Variants in ADGRG6 observed in about 807,000 individuals in gnomAD.
The protein encoded by ADGRG6 is G-protein coupled receptor 126.
A neutral mutation model predicts 142.4 loss-of-function variants in ADGRG6; 84 were observed. The ratio of observed to expected loss-of-function variants is 0.59; its 90% CI spans 0.49 to 0.71. ADGRG6 has a LOEUF of 0.71. Among genes scored for constraint, ADGRG6 ranks in the 30% least tolerant of loss-of-function variants. The pLI, the probability that ADGRG6 is intolerant of heterozygous loss-of-function variation, is 0.00. For synonymous variants in ADGRG6, 521 were observed against 520.5 expected, an observed-to-expected ratio of 1.00 and a Z score of -0.01; for missense variants, 1,367 against 1,466.6, an observed-to-expected ratio of 0.93 and a Z score of 1.11.
intron 9 of ADGRG6, among the ~76,000 whole-genome samples, chr6:142,394,209 A>G (rs182005605): frequency 6.6e-6 from 1 of 152,356 alleles, no homozygotes; most frequent in Non-Finnish European, 1.5e-5. Context: ...TATTATTTTT[A>G]GTATTTCCAG....
At chr6:142,396,252 A>G (rs1775189345) in intron 9 of ADGRG6, among the ~76,000 whole-genome samples, 1 of 152,190 alleles carries the variant, frequency 6.6e-6, no homozygotes, top group Non-Finnish European at 1.5e-5. Flanking sequence ...TTCATGGGCC[A>G]TTTTAAAAAT....
At chr6:142,390,572 A>C (rs1267799299) in intron 7 of ADGRG6, among the ~76,000 whole-genome samples, 1 of 151,914 alleles carries the variant, frequency 6.6e-6, no homozygotes, top group Non-Finnish European at 1.5e-5. Flanking sequence ...TTAAATAAGA[A>C]AAGTATCGCA....
intron 2 of ADGRG6, among the ~76,000 whole-genome samples, chr6:142,353,164 G>A (rs117366337): frequency 6.6e-6 from 1 of 152,106 alleles, no homozygotes; most frequent in Admixed American, 6.5e-5. Flanking sequence ...AATCAAAGAG[G>A]AAACAGATAG....
chr6:142,370,091 G>A, intron 3 of ADGRG6, 79 bp from the exon 4 acceptor site: 1 of 1,238,516 alleles, frequency 8.1e-7, no homozygotes, highest in Non-Finnish European at 1.1e-6. Flanking sequence ...GAAAGCGATG[G>A]AGGGCTTGAT....
chr6:142,409,307 C>T (rs1038128099), intron 16 of ADGRG6, among the ~76,000 whole-genome samples: 6 of 152,264 alleles, frequency 3.9e-5, no homozygotes, highest in Admixed American at 3.9e-4. Context: ...ACAGTGTCTT[C>T]AAGGTTTATC....
chr6:142,383,151 T>C (rs1337179107), intron 5 of ADGRG6, among the ~76,000 whole-genome samples: 1 of 152,232 alleles, frequency 6.6e-6, no homozygotes, highest in Non-Finnish European at 1.5e-5. Context: ...CATAATACTT[T>C]GAAAATGTCT....
chr6:142,373,961 A>G (rs1781378609), intron 4 of ADGRG6, among the ~76,000 whole-genome samples: 1 of 147,312 alleles, frequency 6.8e-6, no homozygotes, highest in Non-Finnish European at 1.5e-5. Context: ...GGCTAAAGCA[A>G]TCTTCTAATC....
rs768960057 is a variant in ADGRG6 at position 142,443,423 on chromosome 6, G to A, written c.3661G>A (p.Asp1221Asn). 4.3e-6 allele frequency: 7 copies of A among 1,611,544 alleles called. No individual in the cohort carries two copies. The African/African-American group carries it at 9.4e-5, about 22-fold the overall frequency. ...TSIIPVHQVI[D>N]KVKGYCNAHS... ...AATCATCCCTGTCCATCAGGTCATTGATAAGGTCAAGGGTTATTGCAATGC... is the reference window on the plus strand; with the variant it reads ...AATCATCCCTGTCCATCAGGTCATTAATAAGGTCAAGGGTTATTGCAATGC... The change falls in exon 25 of 25, where the codon GAT (aspartate) becomes AAT (asparagine). Residue 1221 changes from aspartate (D) to asparagine (N), a missense_variant. By Grantham distance (23) the Asp-to-Asn change is conservative. Coordinates refer to ENST00000367609, the MANE Select transcript of ADGRG6 (RefSeq NM_198569.3).
chr6:142,385,259 T>A (rs1453561862), intron 6 of ADGRG6, among the ~76,000 whole-genome samples: 1 of 152,178 alleles, frequency 6.6e-6, no homozygotes, highest in Non-Finnish European at 1.5e-5. Context: ...ATAACCTTCA[T>A]TGGAGTTTTA....
At chr6:142,324,228 C>G (rs1778654135) in intron 2 of ADGRG6, among the ~76,000 whole-genome samples, 1 of 152,060 alleles carries the variant, frequency 6.6e-6, no homozygotes, top group South Asian at 2.1e-4. Flanking sequence ...CAGTAAAGCA[C>G]TTTCCTATAA....
rs1554234628 is a variant in ADGRG6, at chr6:142,338,027, T to TGTTTTTTTTTTTG, written c.103+28383_103+28384insGTTTTTTTTTTTG. 1.9e-4 allele frequency among the ~76,000 whole-genome samples: 11 copies of TGTTTTTTTTTTTG among 58,020 alleles called. 3 individuals carry two copies. Among genetic ancestry groups the TGTTTTTTTTTTTG allele is most frequent in the African/African-American group, 2.8e-4 (5 of 17,942 alleles). The allele number at this position is 58,020 out of a possible 152,430, so 38.1% of individuals were successfully genotyped here. A position where few individuals can be genotyped will look rare whatever the true frequency, so the allele number is the denominator to read the frequency against. On this transcript the variant is annotated intron_variant, in intron 2 of 24. Coordinates refer to ENST00000367609, the MANE Select transcript of ADGRG6 (RefSeq NM_198569.3). ...ATGCCTTGTATCTTTGTTTTTTTTT[T>TGTTTTTTTTTTTG]TTTTTTTTTTTGAGACGGAGTCTCG...
intron 2 of ADGRG6, among the ~76,000 whole-genome samples, chr6:142,367,101 A>G (rs539996903): frequency 2.0e-5 from 3 of 152,190 alleles, no homozygotes; most frequent in African/African-American, 2.4e-5. Context: ...CTCTTCCTTT[A>G]TATCTATGAT....
At chr6:142,324,599 T>C (rs9496336) in intron 2 of ADGRG6, among the ~76,000 whole-genome samples, 2,076 of 152,132 alleles carry the variant, frequency 0.014, 56 homozygotes, top group African/African-American at 0.047. Flanking sequence ...AGATAGGTAG[T>C]TTTTTCGTCT....
chr6:142,397,465 G>A (rs1467604869), intron 9 of ADGRG6, 148 bp from the exon 10 acceptor site: 1 of 586,126 alleles, frequency 1.7e-6, no homozygotes, highest in Non-Finnish European at 3.0e-6. Flanking sequence ...TTACACAGCA[G>A]CAGAGAAAGT....
intron 3 of ADGRG6, among the ~76,000 whole-genome samples, chr6:142,369,153 T>C (rs1047203916): frequency 6.6e-6 from 1 of 152,214 alleles, no homozygotes. Flanking sequence ...GAAACCAGTA[T>C]TAAAAAGTAT....
chr6:142,348,327 G>A (rs997683100), intron 2 of ADGRG6, among the ~76,000 whole-genome samples: 2 of 152,084 alleles, frequency 1.3e-5, no homozygotes, highest in African/African-American at 2.4e-5. Flanking sequence ...ATTAGACTCA[G>A]CATCAAATGT....
intron 4 of ADGRG6, among the ~76,000 whole-genome samples, chr6:142,379,501 C>T (rs1379057346): frequency 6.6e-6 from 1 of 152,208 alleles, no homozygotes; most frequent in African/African-American, 2.4e-5. Flanking sequence ...GGCACGGTGG[C>T]TCACGCCTGT....
intron 4 of ADGRG6, among the ~76,000 whole-genome samples, chr6:142,379,683 C>T (rs962076240): frequency 6.6e-6 from 1 of 152,104 alleles, no homozygotes; most frequent in African/African-American, 2.4e-5. Context: ...AGGAGAATGG[C>T]GGGAACCCGG....
intron 2 of ADGRG6, among the ~76,000 whole-genome samples, chr6:142,319,029 G>T (rs190093557): frequency 6.6e-6 from 1 of 152,236 alleles, no homozygotes; most frequent in African/African-American, 2.4e-5. Flanking sequence ...GCTTCCCTAG[G>T]GTGGTAGGGC....
Sources: gnomAD v4.1 joint callset for allele counts (sites outside exome capture counted in the v4.1 genomes callset) on GRCh38, gnomAD v4.1.1 for gene constraint, MANE v1.5 for transcripts, NCBI Gene and HGNC (gene_info 2026-07-23, HGNC 2026-07-21) for gene names.